Variants in SLC24A2 observed in about 807,000 individuals in gnomAD.
The protein encoded by SLC24A2 is solute carrier family 24 member 2, also known as sodium/potassium/calcium exchanger 2.
In SLC24A2, 36 loss-of-function variants were observed where a neutral mutation model predicts 62.0. The ratio of observed to expected loss-of-function variants is 0.58; its 90% CI spans 0.44 to 0.77. The LOEUF (loss-of-function observed/expected upper bound fraction) is 0.77. Among genes scored for constraint, SLC24A2 ranks in the 30% least tolerant of loss-of-function variants. SLC24A2 has a pLI of 0.00. For missense variants in SLC24A2, 846 were observed against 817.9 expected, an observed-to-expected ratio of 1.03 and a Z score of -0.42; for synonymous variants, 358 against 294.0, an observed-to-expected ratio of 1.22 and a Z score of -2.23.
At chr9:19,791,694 A>T (rs1188633237), upstream of SLC24A2, among the ~76,000 whole-genome samples, 3 of 152,230 alleles carry the variant, frequency 2.0e-5, no homozygotes, top group Non-Finnish European at 1.5e-5. Flanking sequence ...GGTCTCCCAG[A>T]TCCACAGACC....
chr9:20,295,865 A>T, the SLC24A2 span, among the ~76,000 whole-genome samples: 1 of 151,968 alleles, frequency 6.6e-6, no homozygotes, highest in African/African-American at 2.4e-5. Context: ...CTCAGCCTCC[A>T]TAACTGCGTG....
chr9:19,626,766 G>A (rs1161663053), intron 2 of SLC24A2, among the ~76,000 whole-genome samples: 7 of 152,252 alleles, frequency 4.6e-5, no homozygotes, highest in Middle Eastern at 3.4e-3. Context: ...ACATGAAAGT[G>A]TAAAATGATG....
chr9:20,280,860 A>G, the SLC24A2 span, among the ~76,000 whole-genome samples: 1 of 152,200 alleles, frequency 6.6e-6, no homozygotes, highest in Non-Finnish European at 1.5e-5. Flanking sequence ...GAAGGTGCAG[A>G]CCATGCAGCC....
intron 2 of SLC24A2, among the ~76,000 whole-genome samples, chr9:19,731,522 T>TCC (rs1249215188): frequency 2.0e-4 from 23 of 113,386 alleles, no homozygotes; most frequent in Non-Finnish European, 3.4e-4. Context: ...TCTCCGTGTG[T>TCC]GTGTGTGTGT....
the SLC24A2 span, among the ~76,000 whole-genome samples, chr9:19,978,805 G>T: frequency 6.6e-6 from 1 of 152,034 alleles, no homozygotes; most frequent in Non-Finnish European, 1.5e-5. Context: ...TGGGTGGGAG[G>T]ACAAGAAAGG....
Position 19,720,110 on chromosome 9 carries a change from G to T in SLC24A2, c.930+65827C>A, listed in dbSNP as rs572006328. 2.1e-4 allele frequency among the ~76,000 whole-genome samples: 32 copies of T among 152,332 alleles called. 1 individual carries two copies. Among genetic ancestry groups the T allele is most frequent in the African/African-American group, 7.0e-4 (29 of 41,578 alleles). ...CTAGTACTATTAGGTTGGTGCACAA[G>T]TAATTGTGGTTTTCACCATTAAAAG... is the stretch of plus-strand genomic sequence containing the variant. On this transcript the variant is annotated intron_variant, in intron 2 of 10. Transcript: ENST00000341998.
the SLC24A2 span, among the ~76,000 whole-genome samples, chr9:20,177,572 G>A: frequency 6.6e-6 from 1 of 152,082 alleles, no homozygotes; most frequent in African/African-American, 2.4e-5. Context: ...TGGTATGTTT[G>A]GAACATATAG....
chr9:20,119,679 C>T, the SLC24A2 span, among the ~76,000 whole-genome samples: 1 of 152,178 alleles, frequency 6.6e-6, no homozygotes, highest in Non-Finnish European at 1.5e-5. Flanking sequence ...TGAATGCTTT[C>T]CCCAAAGATG....
chr9:19,924,263 G>A, the SLC24A2 span, among the ~76,000 whole-genome samples: 27 of 152,314 alleles, frequency 1.8e-4, no homozygotes, highest in Middle Eastern at 3.4e-3. Flanking sequence ...TCAGTCAGCT[G>A]AGATGTGACA....
chr9:20,080,761 G>T, the SLC24A2 span, among the ~76,000 whole-genome samples: 5 of 152,056 alleles, frequency 3.3e-5, no homozygotes, highest in African/African-American at 9.7e-5. Flanking sequence ...AATCTACAAT[G>T]AACTCAAACA....
chr9:20,302,062 G>C, the SLC24A2 span, among the ~76,000 whole-genome samples: 36 of 152,262 alleles, frequency 2.4e-4, no homozygotes, highest in South Asian at 1.0e-3. Context: ...CTCATGGCTT[G>C]ACAGCTCATT....
At chr9:19,804,857 T>G in the SLC24A2 span, among the ~76,000 whole-genome samples, 1 of 152,140 alleles carries the variant, frequency 6.6e-6, no homozygotes, top group Admixed American at 6.6e-5. Context: ...ATGTTAGATT[T>G]TATAAAATGC....
chr9:19,522,713 A>G (rs971651016), intron 9 of SLC24A2, among the ~76,000 whole-genome samples: 6 of 152,176 alleles, frequency 3.9e-5, no homozygotes, highest in African/African-American at 1.4e-4. Context: ...TTGACAGAAC[A>G]TACACAGCCT....
chr9:19,577,514 G>C (rs1375841439), intron 5 of SLC24A2, among the ~76,000 whole-genome samples: 1 of 152,154 alleles, frequency 6.6e-6, no homozygotes, highest in African/African-American at 2.4e-5. Flanking sequence ...CTGGTCCCAA[G>C]CGTTTCAGAT....
chr9:20,284,528 C>G, the SLC24A2 span, among the ~76,000 whole-genome samples: 58 of 113,182 alleles, frequency 5.1e-4, no homozygotes, highest in East Asian at 0.012. Context: ...AAGCTTAAAA[C>G]ACATTTTTTT....
chr9:20,013,635 G>A, the SLC24A2 span, among the ~76,000 whole-genome samples: 7 of 152,234 alleles, frequency 4.6e-5, no homozygotes, highest in African/African-American at 1.7e-4. Flanking sequence ...CTCACAGAAC[G>A]GAAGAAAATA....
intron 8 of SLC24A2, among the ~76,000 whole-genome samples, chr9:19,532,334 G>T (rs1184308933): frequency 6.6e-6 from 1 of 152,102 alleles, no homozygotes; most frequent in Non-Finnish European, 1.5e-5. Context: ...AACCTCAGAT[G>T]ATCCTCCTGC....
intron 8 of SLC24A2, among the ~76,000 whole-genome samples, chr9:19,549,590 T>C (rs1278464344): frequency 6.6e-6 from 1 of 152,168 alleles, no homozygotes; most frequent in East Asian, 1.9e-4. Flanking sequence ...CCAAGTCACA[T>C]GAAAAGGCCA....
At chr9:20,184,287 C>T in the SLC24A2 span, among the ~76,000 whole-genome samples, 10 of 152,324 alleles carry the variant, frequency 6.6e-5, no homozygotes, top group South Asian at 4.1e-4. Flanking sequence ...CAGAGGCTCA[C>T]GCCTGTTAAT....
Sources: gnomAD v4.1 joint callset for allele counts (sites outside exome capture counted in the v4.1 genomes callset) on GRCh38, gnomAD v4.1.1 for gene constraint, MANE v1.5 for transcripts, NCBI Gene and HGNC (gene_info 2026-07-23, HGNC 2026-07-21) for gene names.